Variants in RPRD2 observed in about 807,000 individuals in gnomAD.
RPRD2 encodes the protein regulation of nuclear pre-mRNA domain containing 2.
In RPRD2, 12 loss-of-function variants were observed where a neutral mutation model predicts 104.4. That is an observed-to-expected ratio of 0.11 (90% CI 0.07 to 0.19). The LOEUF is 0.19. Among genes scored for constraint, RPRD2 ranks in the 10% least tolerant of loss-of-function variants. RPRD2 has a pLI of 1.00. For missense variants in RPRD2, 1,543 were observed against 1,790.1 expected (o/e 0.86, Z 2.49); for synonymous variants, 714 against 684.9 (o/e 1.04, Z -0.66).
intron 7 of RPRD2, among the ~76,000 whole-genome samples, chr1:150,447,654 C>T (rs1054554009): frequency 3.3e-5 from 5 of 152,034 alleles, no homozygotes; most frequent in African/African-American, 4.8e-5. Context: ...TTTTTATTCC[C>T]CCAAGAAAGG....
chr1:150,398,460 T>A lies in RPRD2; in HGVS notation c.206-19136T>A, dbSNP rs200037426. Among the ~76,000 whole-genome samples the A allele has an allele frequency of 1.6e-4, 25 of 152,060 alleles. No individual in the cohort carries two copies. In the East Asian group the frequency reaches 4.1e-3, roughly 25 times the overall value. On this transcript the variant is annotated intron_variant, in intron 1 of 10. Coordinates refer to ENST00000369068, the MANE Select transcript of RPRD2 (RefSeq NM_015203.5). Reference sequence around the variant, plus strand: ...ATCTGCCCACCTTGGCCTCCCAAAGTGCTGGGATTACAGGCGTGAGCCACC... The same window carrying A: ...ATCTGCCCACCTTGGCCTCCCAAAGAGCTGGGATTACAGGCGTGAGCCACC...
At chr1:150,380,920 G>T (rs1384490170) in intron 1 of RPRD2, among the ~76,000 whole-genome samples, 1 of 152,178 alleles carries the variant, frequency 6.6e-6, no homozygotes, top group Non-Finnish European at 1.5e-5. Context: ...CTCCCAAAGT[G>T]CTGGGATTAC....
chr1:150,440,894 A>G, intron 2 of RPRD2, 29 bp from the exon 3 acceptor site: 3 of 1,080,818 alleles, frequency 2.8e-6, no homozygotes, highest in Non-Finnish European at 4.1e-6. Flanking sequence ...AGGTTTTTAT[A>G]GTCTGTATTA....
intron 10 of RPRD2, among the ~76,000 whole-genome samples, chr1:150,468,214 G>A (rs990412562): frequency 1.3e-5 from 2 of 152,076 alleles, no homozygotes; most frequent in African/African-American, 4.8e-5. Flanking sequence ...TTTTGGCTGG[G>A]CGCAGTGGCT....
At chr1:150,441,141 A>C in intron 3 of RPRD2, 118 bp downstream of exon 3, 2 of 537,588 alleles carry the variant, frequency 3.7e-6, no homozygotes, top group Non-Finnish European at 6.5e-6. Flanking sequence ...ATCTAGCCCT[A>C]TTTGTTTAAA....
intron 5 of RPRD2, among the ~76,000 whole-genome samples, chr1:150,443,967 G>A (rs1365684102): frequency 6.6e-6 from 1 of 152,096 alleles, no homozygotes; most frequent in African/African-American, 2.4e-5. Context: ...GCAGTGAGCC[G>A]AGATCGTGCC....
At chr1:150,459,304 G>A (rs1560219904) in intron 8 of RPRD2, among the ~76,000 whole-genome samples, 1 of 152,182 alleles carries the variant, frequency 6.6e-6, no homozygotes, top group Non-Finnish European at 1.5e-5. Context: ...ATTAGCTAGT[G>A]CCTGATTGCA....
intron 3 of RPRD2, 73 bp downstream of exon 3, chr1:150,441,096 G>C (rs587620737): frequency 6.9e-6 from 5 of 727,698 alleles, no homozygotes; most frequent in Non-Finnish European, 1.2e-5. Flanking sequence ...TATAGATCTG[G>C]TCATGTTGTA....
intron 2 of RPRD2, among the ~76,000 whole-genome samples, chr1:150,419,707 C>T (rs782305698): frequency 7.9e-5 from 12 of 152,246 alleles, no homozygotes; most frequent in Non-Finnish European, 1.2e-4. Flanking sequence ...CCGCAACCTC[C>T]GCCTCCTGGG....
At chr1:150,369,857 T>C (rs1660169129) in intron 1 of RPRD2, among the ~76,000 whole-genome samples, 1 of 151,948 alleles carries the variant, frequency 6.6e-6, no homozygotes, top group African/African-American at 2.4e-5. Flanking sequence ...CTCGGCTCAC[T>C]GCAACCTCCA....
chr1:150,364,534 C>G lies in RPRD2; in HGVS notation c.-181C>G. On this transcript the variant is annotated 5_prime_UTR_variant, in exon 1 of 11. Transcript: ENST00000369068. Reference sequence around the variant, plus strand: ...GCAGCGTGTAGGAGCTGCCAGCGTGCCCAGCAGCTGGTGTTCCCGTCCGTA... The same window carrying G: ...GCAGCGTGTAGGAGCTGCCAGCGTGGCCAGCAGCTGGTGTTCCCGTCCGTA... The G allele has an allele frequency of 1.8e-6, 1 of 556,276 alleles. No individual in the cohort carries two copies. Among genetic ancestry groups the G allele is most frequent in the Non-Finnish European group, 3.1e-6 (1 of 317,554 alleles). The allele number at this position is 556,276 out of a possible 1,614,324, so 34.5% of individuals were successfully genotyped here. A position where few individuals can be genotyped will look rare whatever the true frequency, so the allele number is the denominator to read the frequency against.
chr1:150,415,424 T>C (rs1429702749), intron 1 of RPRD2, among the ~76,000 whole-genome samples: 3 of 152,076 alleles, frequency 2.0e-5, no homozygotes, highest in Non-Finnish European at 4.4e-5. Flanking sequence ...AGTTCATGCC[T>C]GTAATCCCAG....
chr1:150,387,853 G>A (rs922815673), intron 1 of RPRD2, among the ~76,000 whole-genome samples: 20 of 149,328 alleles, frequency 1.3e-4, no homozygotes, highest in Non-Finnish European at 2.5e-4. Context: ...GCCTCCCAAA[G>A]TGCTAGGATT....
At chr1:150,395,683 G>A (rs973040803) in intron 1 of RPRD2, among the ~76,000 whole-genome samples, 3 of 151,902 alleles carry the variant, frequency 2.0e-5, no homozygotes, top group Admixed American at 6.6e-5. Context: ...GCTAGTTTTT[G>A]TATTTTTAGT....
At chr1:150,393,223 A>G (rs1178819144) in intron 1 of RPRD2, among the ~76,000 whole-genome samples, 1 of 151,950 alleles carries the variant, frequency 6.6e-6, no homozygotes, top group Non-Finnish European at 1.5e-5. Flanking sequence ...AAATCACAGC[A>G]TTTCAGGAGG....
intron 1 of RPRD2, among the ~76,000 whole-genome samples, chr1:150,388,123 G>T (rs587739866): frequency 6.6e-6 from 1 of 151,406 alleles, no homozygotes; most frequent in Non-Finnish European, 1.5e-5. Context: ...TCACTATGTT[G>T]CCTAGGCTGG....
rs1668800025 is a variant in RPRD2 at position 150,474,660 on chromosome 1, A to G, written c.*1326A>G. ...TTTGAGTGTTTATATCTTTATATCT[A>G]GGGACACTGAAAAGTAAATGTTGCT... is the stretch of plus-strand genomic sequence containing the variant. On this transcript the variant is annotated 3_prime_UTR_variant, in exon 11 of 11. Transcript: ENST00000369068. The G allele has an allele frequency of 6.6e-6, 1 of 152,176 alleles. No individual in the cohort carries two copies. The highest frequency in any genetic ancestry group is 1.5e-5 in the Non-Finnish European group (1 of 68,026). The allele number at this position is 152,176 out of a possible 1,614,324, so 9.4% of individuals were successfully genotyped here. A position where few individuals can be genotyped will look rare whatever the true frequency, so the allele number is the denominator to read the frequency against.
At chr1:150,459,487 A>T (rs781836032) in intron 8 of RPRD2, among the ~76,000 whole-genome samples, 10 of 152,354 alleles carry the variant, frequency 6.6e-5, no homozygotes, top group Admixed American at 1.3e-4. Context: ...TGTGTACCAA[A>T]TAATAACATG....
Position 150,473,475 on chromosome 1 carries a change from A to G in RPRD2, c.*141A>G, listed in dbSNP as rs587631700. 1 of 704,378 alleles carries G rather than the reference A, an allele frequency of 1.4e-6. No individual in the cohort carries two copies. The highest frequency in any genetic ancestry group is 1.8e-5 in the African/African-American group (1 of 55,840). 43.6% of individuals were successfully genotyped at this position (704,378 alleles called of 1,614,324 possible). On this transcript the variant is annotated 3_prime_UTR_variant, in exon 11 of 11. Coordinates refer to ENST00000369068, the MANE Select transcript of RPRD2 (RefSeq NM_015203.5). ...AAAGGGCCTCTCTTCCAAAGTAAGAAATCACATACGCTTACGTTTTACTAT... is the reference window on the plus strand; with the variant it reads ...AAAGGGCCTCTCTTCCAAAGTAAGAGATCACATACGCTTACGTTTTACTAT...
Sources: allele counts gnomAD v4.1 joint callset (sites outside exome capture counted in the v4.1 genomes callset), GRCh38; gene constraint gnomAD v4.1.1; transcripts MANE v1.5; gene names NCBI Gene and HGNC (gene_info 2026-07-23, HGNC 2026-07-21).